The following PPP3CA variants were observed in gnomAD, a reference collection of about 807,000 sequenced individuals.
PPP3CA encodes protein phosphatase 3 catalytic subunit alpha.
Under a neutral mutation model 66.5 loss-of-function variants are expected in PPP3CA, and 14 were observed. The observed-to-expected ratio is 0.21, with a 90% CI of 0.14 to 0.33. The LOEUF is 0.33. Ranked by LOEUF, PPP3CA falls within the 10% of genes least tolerant of loss-of-function variation. The pLI is 1.00. For missense variants in PPP3CA, 317 were observed against 639.5 expected (o/e 0.50, Z 5.44); for synonymous variants, 232 against 226.2 (o/e 1.03, Z -0.23).
At chr4:101,162,130 C>A (rs1456528296) in intron 2 of PPP3CA, among the ~76,000 whole-genome samples, 1 of 151,840 alleles carries the variant, frequency 6.6e-6, no homozygotes, top group Non-Finnish European at 1.5e-5. Flanking sequence ...ATCCCAGATA[C>A]TGGGGAGGCT....
chr4:101,118,222 G>C (rs1174841422), intron 2 of PPP3CA, among the ~76,000 whole-genome samples: 2 of 151,978 alleles, frequency 1.3e-5, no homozygotes, highest in Non-Finnish European at 2.9e-5. Flanking sequence ...CCTTTGGAGA[G>C]GCAGTATAGT....
chr4:101,162,057 T>C (rs1477529008), intron 2 of PPP3CA, among the ~76,000 whole-genome samples: 1 of 152,170 alleles, frequency 6.6e-6, no homozygotes, highest in African/African-American at 2.4e-5. Context: ...CTGGCCAACA[T>C]GGCGAAATCC....
chr4:101,098,303 T>C (rs1730289370), intron 5 of PPP3CA, 64 bp downstream of exon 5: 1 of 1,442,972 alleles, frequency 6.9e-7, no homozygotes, highest in Non-Finnish European at 9.3e-7. Flanking sequence ...GCAGGGTAAT[T>C]AATGTCTTCT....
chr4:101,306,931 A>C (rs1459322491), intron 1 of PPP3CA, among the ~76,000 whole-genome samples: 1 of 152,108 alleles, frequency 6.6e-6, no homozygotes, highest in Non-Finnish European at 1.5e-5. Context: ...GAGGATGAGG[A>C]TGAGTGCTGT....
chr4:101,078,861 C>T (rs112257927), intron 8 of PPP3CA, among the ~76,000 whole-genome samples: 3,551 of 152,252 alleles, frequency 0.023, 63 homozygotes, highest in Middle Eastern at 0.085. Context: ...CTTAAAAGCA[C>T]GTGGCAAGCA....
chr4:101,102,469 A>G lies in PPP3CA; in HGVS notation c.385-2747T>C, dbSNP rs573863495. Among the ~76,000 whole-genome samples the G allele has an allele frequency of 3.2e-3, 487 of 152,306 alleles. 4 individuals carry two copies. The highest frequency in any genetic ancestry group is 0.011 in the African/African-American group (467 of 41,562). The stretch of plus-strand genomic sequence containing the variant: ...GTAACAAGAATAAAATATCTTCCCA[A>G]ACATTGACTAAAACCACAAAGGCAG... On this transcript the variant is annotated intron_variant, in intron 3 of 13. Transcript: ENST00000394854.
At chr4:101,206,924 C>T (rs1725147856) in intron 1 of PPP3CA, among the ~76,000 whole-genome samples, 1 of 151,968 alleles carries the variant, frequency 6.6e-6, no homozygotes, top group Non-Finnish European at 1.5e-5. Context: ...TTTTAAGTAG[C>T]CATTAGAATA....
At chr4:101,186,259 A>G (rs1357445558) in intron 2 of PPP3CA, among the ~76,000 whole-genome samples, 1 of 152,136 alleles carries the variant, frequency 6.6e-6, no homozygotes, top group Admixed American at 6.6e-5. Flanking sequence ...AGGGTTGCCA[A>G]TGAGAGGGAG....
intron 1 of PPP3CA, among the ~76,000 whole-genome samples, chr4:101,252,245 T>C (rs1726701383): frequency 6.6e-6 from 1 of 152,134 alleles, no homozygotes; most frequent in Non-Finnish European, 1.5e-5. Context: ...TGTCCCCATA[T>C]TACCAGCACA....
At position 101,025,845 on chromosome 4, in the gene PPP3CA, A is replaced by AAAATTT; in HGVS notation, c.*19_*20insAAATTT. 1.4e-6 allele frequency: 2 copies of AAAATTT among 1,428,962 alleles called. No individual in the cohort carries two copies. Among genetic ancestry groups the AAAATTT allele is most frequent in the Non-Finnish European group, 1.9e-6 (2 of 1,076,202 alleles). 88.5% of individuals were successfully genotyped at this position (1,428,962 alleles called of 1,614,324 possible). The stretch of plus-strand genomic sequence containing the variant: ...CAAAAAAAAAAAAAAAAAAAAAAAA[A>AAAATTT]AAAAGTGAACAGGAAGTGGTCACTG... On this transcript the variant is annotated 3_prime_UTR_variant, in exon 14 of 14. Coordinates refer to ENST00000394854, the MANE Select transcript of PPP3CA (RefSeq NM_000944.5).
Position 101,026,076 on chromosome 4 carries a change from AT to A in PPP3CA, c.1370-16del. The A allele has an allele frequency of 6.4e-7, 1 of 1,571,066 alleles. No homozygotes were observed. On this transcript the variant is annotated splice_polypyrimidine_tract_variant and intron_variant, in intron 13 of 13. Coordinates refer to ENST00000394854, the MANE Select transcript of PPP3CA (RefSeq NM_000944.5). ...TCCTTTGATAGCTAAACAGAAAATC[AT>A]TAAAAAAAGAAAACCAGGATTATCC...
chr4:101,265,937 GTTTCT>G (rs1214918600), intron 1 of PPP3CA, among the ~76,000 whole-genome samples: 4 of 152,052 alleles, frequency 2.6e-5, no homozygotes, highest in Non-Finnish European at 5.9e-5. Context: ...AAAAAAAAGT[GTTTCT>G]TTAATGTATT....
At chr4:101,143,514 A>G (rs1722874240) in intron 2 of PPP3CA, among the ~76,000 whole-genome samples, 1 of 152,042 alleles carries the variant, frequency 6.6e-6, no homozygotes, top group Admixed American at 6.5e-5. Flanking sequence ...ATTCACTATA[A>G]TCATAATGGC....
At chr4:101,242,124 C>T (rs1726330543) in intron 1 of PPP3CA, among the ~76,000 whole-genome samples, 1 of 151,968 alleles carries the variant, frequency 6.6e-6, no homozygotes. Flanking sequence ...TATAAAAATG[C>T]TTAAAAATGA....
intron 5 of PPP3CA, among the ~76,000 whole-genome samples, chr4:101,097,623 TA>T (rs1730254471): frequency 6.6e-6 from 1 of 152,176 alleles, no homozygotes; most frequent in Non-Finnish European, 1.5e-5. Flanking sequence ...GATTTTTTAT[TA>T]CTCTCTATCT....
At chr4:101,043,299 CTA>C (rs1727610270) in intron 10 of PPP3CA, among the ~76,000 whole-genome samples, 1 of 151,942 alleles carries the variant, frequency 6.6e-6, no homozygotes, top group Admixed American at 6.5e-5. Flanking sequence ...AAGTAAGAAA[CTA>C]TGCTGGAAAA....
At chr4:101,050,670 T>C (rs1727969450) in intron 10 of PPP3CA, among the ~76,000 whole-genome samples, 1 of 152,178 alleles carries the variant, frequency 6.6e-6, no homozygotes, top group Non-Finnish European at 1.5e-5. Flanking sequence ...CAAGGATTCA[T>C]TACAGTACCA....
intron 1 of PPP3CA, among the ~76,000 whole-genome samples, chr4:101,320,511 CAT>C (rs1401259354): frequency 1.3e-5 from 2 of 150,270 alleles, no homozygotes; most frequent in African/African-American, 5.0e-5. Flanking sequence ...CACACACACA[CAT>C]ACACAGACAA....
chr4:101,171,316 G>C lies in PPP3CA; in HGVS notation c.259+24600C>G, dbSNP rs374819883. On this transcript the variant is annotated intron_variant, in intron 2 of 13. Coordinates refer to ENST00000394854, the MANE Select transcript of PPP3CA (RefSeq NM_000944.5). ...TATATTCTTTAAAGCTCCATAGTTG[G>C]TTCTGATGCATACTCGTTTATGAAC... The C allele has an allele frequency of 3.4e-4, 127 of 370,838 alleles. 2 individuals carry two copies. The East Asian group carries it at 3.6e-3, about 10-fold the overall frequency. The allele number at this position is 370,838 out of a possible 1,614,324, so 23.0% of individuals were successfully genotyped here. A position where few individuals can be genotyped will look rare whatever the true frequency, so the allele number is the denominator to read the frequency against.
Sources: allele counts gnomAD v4.1 joint callset (sites outside exome capture counted in the v4.1 genomes callset), GRCh38; gene constraint gnomAD v4.1.1; transcripts MANE v1.5; gene names NCBI Gene and HGNC (gene_info 2026-07-23, HGNC 2026-07-21).